ZNF90: variants seen among roughly 807,000 people sequenced by gnomAD.
ZNF90 encodes the protein zinc finger protein HTF9.
A neutral mutation model predicts 12.0 loss-of-function variants in ZNF90; 11 were observed. The observed-to-expected ratio is 0.92, with a 90% confidence interval of 0.58 to 1.52. ZNF90 has a LOEUF of 1.52. Ranked by LOEUF, ZNF90 falls within the 40% of genes most tolerant of loss-of-function variation. The pLI is 0.00. For synonymous variants in ZNF90, 232 were observed against 240.1 expected (o/e 0.97, Z 0.31); for missense variants, 765 against 711.5 (o/e 1.08, Z -0.86).
intron 3 of ZNF90, among the ~76,000 whole-genome samples, chr19:20,114,793 G>GT (rs2089122228): frequency 1.3e-5 from 2 of 151,884 alleles, no homozygotes; most frequent in African/African-American, 2.4e-5. Flanking sequence ...AGAAATAATT[G>GT]TTTTTTACTG....
chr19:20,112,725 G>A (rs2089100753), intron 3 of ZNF90, among the ~76,000 whole-genome samples: 1 of 152,016 alleles, frequency 6.6e-6, no homozygotes, highest in African/African-American at 2.4e-5. Context: ...ATTTAAAATC[G>A]AGTATTGCTG....
intron 1 of ZNF90, among the ~76,000 whole-genome samples, chr19:20,103,773 G>C (rs1333609242): frequency 6.6e-6 from 1 of 151,738 alleles, no homozygotes; most frequent in Non-Finnish European, 1.5e-5. Context: ...CATTATTCGT[G>C]AGCTTGTTAG....
intron 1 of ZNF90, among the ~76,000 whole-genome samples, chr19:20,092,690 G>GT (rs2088912070): frequency 6.6e-6 from 1 of 152,150 alleles, no homozygotes; most frequent in African/African-American, 2.4e-5. Flanking sequence ...AGGGATTGGG[G>GT]TTTGAGAGAT....
At chr19:20,109,086 G>T (rs1157507477) in intron 3 of ZNF90, among the ~76,000 whole-genome samples, 1 of 152,094 alleles carries the variant, frequency 6.6e-6, no homozygotes, top group East Asian at 1.9e-4. Flanking sequence ...AGTAAGTAGA[G>T]AATTTGCAAT....
chr19:20,092,492 G>C (rs1304350530), intron 1 of ZNF90, among the ~76,000 whole-genome samples: 1 of 152,176 alleles, frequency 6.6e-6, no homozygotes, highest in Non-Finnish European at 1.5e-5. Context: ...AGCTAGAATA[G>C]GGGCAGTCTC....
intron 1 of ZNF90, 151 bp from the exon 2 acceptor site, chr19:20,104,088 T>G: frequency 1.7e-6 from 2 of 1,147,130 alleles, no homozygotes; most frequent in Non-Finnish European, 2.4e-6. Context: ...GAAAATATTT[T>G]TGTGTTGGAA....
chr19:20,087,171 C>G (rs1555702188), intron 1 of ZNF90: 1 of 118,058 alleles, frequency 8.5e-6, no homozygotes, highest in Non-Finnish European at 1.7e-5. Context: ...CTGAGAGTAG[C>G]TTGCACTTTG....
intron 1 of ZNF90, 95 bp from the exon 2 acceptor site, chr19:20,104,144 T>C: frequency 1.3e-6 from 2 of 1,557,984 alleles, no homozygotes; most frequent in African/African-American, 1.4e-5. Context: ...TCAGAACCAA[T>C]TCTCTTTACT....
At chr19:20,092,847 C>T (rs1260740147) in intron 1 of ZNF90, among the ~76,000 whole-genome samples, 1 of 152,106 alleles carries the variant, frequency 6.6e-6, no homozygotes, top group African/African-American at 2.4e-5. Context: ...AGAAGTGTGT[C>T]TTGTTGAGAA....
At chr19:20,102,438 G>T (rs1005299457) in intron 1 of ZNF90, among the ~76,000 whole-genome samples, 3 of 152,106 alleles carry the variant, frequency 2.0e-5, no homozygotes, top group Non-Finnish European at 4.4e-5. Flanking sequence ...TCCAACCCTA[G>T]CCAATAGCAG....
Position 20,091,017 on chromosome 19 carries a change from C to T in ZNF90, c.3+12882C>T, listed in dbSNP as rs558531790. ...GTGATTTGGCTAGTAAAGGCTGGTC[C>T]GTTATCAGACTGTATAGAGGTGGGA... On this transcript the variant is annotated intron_variant, in intron 1 of 3. Coordinates refer to ENST00000418063, the MANE Select transcript of ZNF90 (RefSeq NM_007138.2). 4.1e-3 allele frequency among the ~76,000 whole-genome samples: 620 copies of T among 152,132 alleles called. 6 individuals are homozygous for T. The highest frequency in any genetic ancestry group is 0.014 in the African/African-American group (571 of 41,488).
In ZNF90 at chr19:20,104,257, G is replaced by T. The variant is rs1409744688; in HGVS notation, c.22G>T (p.Asp8Tyr). The T allele has an allele frequency of 6.8e-6, 11 of 1,613,930 alleles. No homozygotes were observed. In the African/African-American group the frequency reaches 1.5e-4, roughly 22 times the overall value. MGPLEFR[D>Y]VAIEFSLEEW... Reference sequence around the variant, plus strand: ...TTTTCAGGGACCATTGGAATTTAGAGATGTGGCCATAGAATTCTCTCTGGA... The same window carrying T: ...TTTTCAGGGACCATTGGAATTTAGATATGTGGCCATAGAATTCTCTCTGGA... Residue 8 changes from aspartate to tyrosine, a missense_variant, in exon 2 of 4, where the codon GAT becomes TAT. Transcript: ENST00000418063.
At chr19:20,117,330 C>T (rs1555705775) in intron 3 of ZNF90, among the ~76,000 whole-genome samples, 3 of 152,080 alleles carry the variant, frequency 2.0e-5, no homozygotes, top group African/African-American at 7.2e-5. Flanking sequence ...AGGCATGAGC[C>T]TGGGTGGAAA....
chr19:20,108,733 T>C lies in ZNF90; in HGVS notation c.226+3417T>C, dbSNP rs68076220. On this transcript the variant is annotated intron_variant, in intron 3 of 3. Transcript: ENST00000418063. Reference sequence around the variant, plus strand: ...GTGTTTCTTCAGTGTAGGTTTCTCTTTTTTTTTTTTTTTTTTGAGATGGAG... The same window carrying C: ...GTGTTTCTTCAGTGTAGGTTTCTCTCTTTTTTTTTTTTTTTTGAGATGGAG... Among the ~76,000 whole-genome samples, 11 of 140,002 alleles carry C rather than the reference T, an allele frequency of 7.9e-5. No homozygotes were observed. In the South Asian group the frequency reaches 1.6e-3, roughly 20 times the overall value. The allele number at this position is 140,002 out of a possible 152,430, so 91.8% of individuals were successfully genotyped here. A position where few individuals can be genotyped will look rare whatever the true frequency, so the allele number is the denominator to read the frequency against.
chr19:20,096,559 C>CT (rs1355348356), intron 1 of ZNF90, among the ~76,000 whole-genome samples: 1 of 151,546 alleles, frequency 6.6e-6, no homozygotes, highest in African/African-American at 2.4e-5. Flanking sequence ...AGTGGGGGTG[C>CT]TTTTTGAGCC....
At chr19:20,102,493 C>A (rs2088997573) in intron 1 of ZNF90, among the ~76,000 whole-genome samples, 1 of 152,180 alleles carries the variant, frequency 6.6e-6, no homozygotes, top group Non-Finnish European at 1.5e-5. Context: ...ATAAGGCCCC[C>A]TTCCCCTCCC....
intron 1 of ZNF90, among the ~76,000 whole-genome samples, chr19:20,095,825 G>A (rs529870136): frequency 2.0e-4 from 30 of 152,214 alleles, no homozygotes; most frequent in Admixed American, 3.3e-4. Flanking sequence ...AAGGGGTAGA[G>A]ACAAGGAGAG....
At chr19:20,090,814 T>C (rs1298448393) in intron 1 of ZNF90, among the ~76,000 whole-genome samples, 1 of 152,158 alleles carries the variant, frequency 6.6e-6, no homozygotes, top group African/African-American at 2.4e-5. Context: ...GAGGACAGGC[T>C]CTGATTCTGA....
intron 3 of ZNF90, among the ~76,000 whole-genome samples, chr19:20,112,578 T>C (rs1429990005): frequency 1.3e-5 from 2 of 152,076 alleles, no homozygotes; most frequent in African/African-American, 4.8e-5. Context: ...CACCTCGGCC[T>C]CCCAAAGTGT....
Sources: gnomAD v4.1 joint callset for allele counts (sites outside exome capture counted in the v4.1 genomes callset) on GRCh38, gnomAD v4.1.1 for gene constraint, MANE v1.5 for transcripts, NCBI Gene and HGNC (gene_info 2026-07-23, HGNC 2026-07-21) for gene names.